PCDHA7: variants seen among roughly 807,000 people sequenced by gnomAD.
PCDHA7 encodes protocadherin alpha-7.
In PCDHA7, 37 loss-of-function variants were observed where a neutral mutation model predicts 57.2. The ratio of observed to expected loss-of-function variants is 0.65; its 90% CI spans 0.50 to 0.85. The LOEUF (loss-of-function observed/expected upper bound fraction) is 0.85, where lower values mean the gene tolerates loss of function less well. Among genes scored for constraint, PCDHA7 ranks in the 40% least tolerant of loss-of-function variants. PCDHA7 has a pLI of 0.00. For synonymous variants in PCDHA7, 553 were observed against 558.8 expected, an observed-to-expected ratio of 0.99 and a Z score of 0.15; for missense variants, 1,188 against 1,241.8, an observed-to-expected ratio of 0.96 and a Z score of 0.65.
At chr5:140,886,155 T>C (rs528104847) in intron 1 of PCDHA7, among the ~76,000 whole-genome samples, 1 of 152,212 alleles carries the variant, frequency 6.6e-6, no homozygotes, top group African/African-American at 2.4e-5. Context: ...CACCTTTTTA[T>C]AGCCACATCT....
intron 3 of PCDHA7, among the ~76,000 whole-genome samples, chr5:141,005,617 G>C (rs1419951778): frequency 6.7e-6 from 1 of 149,280 alleles, no homozygotes; most frequent in Non-Finnish European, 1.5e-5. Context: ...CAGGAGAATG[G>C]CGTGAACCCG....
chr5:140,926,944 G>A, intron 1 of PCDHA7: 1 of 1,588,324 alleles, frequency 6.3e-7, no homozygotes, highest in Non-Finnish European at 8.6e-7. Flanking sequence ...CTGCGGCGCT[G>A]CAGCGGGACA....
chr5:140,986,238 A>G (rs1358537911), intron 3 of PCDHA7, among the ~76,000 whole-genome samples: 1 of 152,152 alleles, frequency 6.6e-6, no homozygotes. Context: ...CCTCTGTGTG[A>G]GCAGACCCGG....
chr5:140,853,975 C>A, intron 1 of PCDHA7: 1 of 594,170 alleles, frequency 1.7e-6, no homozygotes, highest in Non-Finnish European at 2.2e-6. Flanking sequence ...CAGTTTGAGA[C>A]CAATGTAGTG....
intron 1 of PCDHA7, among the ~76,000 whole-genome samples, chr5:140,934,108 T>C (rs574657499): frequency 6.6e-6 from 1 of 152,276 alleles, no homozygotes; most frequent in East Asian, 1.9e-4. Flanking sequence ...TCTATTTTAT[T>C]AATTTTCATA....
rs190398483 is a variant in PCDHA7 at position 140,849,974 on chromosome 5, G to T, written c.2355+13236G>T. The T allele has an allele frequency of 6.3e-6, 10 of 1,597,556 alleles. 1 individual carries two copies. Among genetic ancestry groups the T allele is most frequent in the Admixed American group, 5.1e-5 (3 of 59,294 alleles). On this transcript the variant is annotated intron_variant, in intron 1 of 3. Coordinates refer to ENST00000525929, the MANE Select transcript of PCDHA7 (RefSeq NM_018910.3). ...AGGAGAACGCCCTGGTGTCCTACTC[G>T]CTGGTGGAGCGGCGGTTGGGCGAGC...
chr5:140,967,922 G>T (rs782146005), intron 1 of PCDHA7: 1 of 1,614,198 alleles, frequency 6.2e-7, no homozygotes, highest in South Asian at 1.1e-5. Flanking sequence ...CATTGTGGCC[G>T]TTCTCAGTGT....
At chr5:140,961,936 T>C (rs1163967895) in intron 1 of PCDHA7, among the ~76,000 whole-genome samples, 1 of 151,364 alleles carries the variant, frequency 6.6e-6, no homozygotes, top group Non-Finnish European at 1.5e-5. Flanking sequence ...CAGGCTGGAG[T>C]GCAGTGGCAT....
At chr5:140,967,435 C>T (rs949116832) in intron 1 of PCDHA7, 1 of 1,613,532 alleles carries the variant, frequency 6.2e-7, no homozygotes, top group Non-Finnish European at 8.5e-7. Flanking sequence ...CAGCCTTGCA[C>T]CACCTGGTTC....
intron 1 of PCDHA7, chr5:140,882,074 G>C (rs1276421996): frequency 1.1e-6 from 1 of 886,834 alleles, no homozygotes. Context: ...CATGCGCATG[G>C]TGTCGCTCTT....
At chr5:140,875,395 GT>G in intron 1 of PCDHA7, 1 of 1,478,260 alleles carries the variant, frequency 6.8e-7, no homozygotes, top group African/African-American at 1.4e-5. Context: ...ACAGAAAAGG[GT>G]GACTGCTCAT....
At chr5:140,955,241 A>T (rs1554221829) in intron 1 of PCDHA7, among the ~76,000 whole-genome samples, 1 of 152,114 alleles carries the variant, frequency 6.6e-6, no homozygotes, top group East Asian at 1.9e-4. Context: ...TTTGCTTAGG[A>T]TCGGCTTGGC....
intron 1 of PCDHA7, among the ~76,000 whole-genome samples, chr5:140,891,033 G>C (rs2062910794): frequency 6.6e-6 from 1 of 151,596 alleles, no homozygotes; most frequent in South Asian, 2.1e-4. Context: ...TATAATCTTA[G>C]GTGTGACCCC....
chr5:141,004,627 T>C lies in PCDHA7; in HGVS notation c.2504-5000T>C, dbSNP rs538896289. On this transcript the variant is annotated intron_variant, in intron 3 of 3. Transcript: ENST00000525929. ...GCCTCATGCAGAGTCCTGGTTATGG[T>C]TGAAGAAAAATTTCCATTTTGGGCT... 3.9e-5 allele frequency among the ~76,000 whole-genome samples: 6 copies of C among 152,330 alleles called. No individual in the cohort carries two copies. The East Asian group carries it at 1.2e-3, about 29-fold the overall frequency.
At chr5:140,960,483 T>G (rs1554224788) in intron 1 of PCDHA7, among the ~76,000 whole-genome samples, 1 of 151,978 alleles carries the variant, frequency 6.6e-6, no homozygotes, top group Non-Finnish European at 1.5e-5. Flanking sequence ...TACACAGAGG[T>G]GTAGGTTTGT....
rs1554144490 is a variant in PCDHA7, at chr5:140,850,541, G to C, written c.2355+13803G>C. ...AGGCGCCAAAGTCATCGTCGCGGGC[G>C]TCAGTGGGTGCCACGGGCCCCGAGG... is the stretch of plus-strand genomic sequence containing the variant. On this transcript the variant is annotated intron_variant, in intron 1 of 3. Transcript: ENST00000525929. The C allele has an allele frequency of 2.5e-6, 4 of 1,598,386 alleles. 1 individual carries two copies. In the South Asian group the frequency reaches 4.4e-5, roughly 18 times the overall value.
intron 1 of PCDHA7, among the ~76,000 whole-genome samples, chr5:140,920,730 G>A (rs902169780): frequency 6.6e-6 from 1 of 152,058 alleles, no homozygotes; most frequent in Non-Finnish European, 1.5e-5. Context: ...TGCAGTCCCA[G>A]CTACTCAGGA....
chr5:140,850,659 C>G (rs782752701), intron 1 of PCDHA7: 1 of 1,598,246 alleles, frequency 6.3e-7, no homozygotes, highest in African/African-American at 1.3e-5. Context: ...CACTGTGCTG[C>G]GGTGCTCGGC....
At chr5:140,844,242 G>A (rs2150369958) in intron 1 of PCDHA7, among the ~76,000 whole-genome samples, 3,371 of 149,312 alleles carry the variant, frequency 0.023, 302 homozygotes, top group African/African-American at 0.077. Flanking sequence ...CACTATTGCC[G>A]TTTTAAGCAG....
Sources: allele counts gnomAD v4.1 joint callset (sites outside exome capture counted in the v4.1 genomes callset), GRCh38; gene constraint gnomAD v4.1.1; transcripts MANE v1.5; gene names NCBI Gene and HGNC (gene_info 2026-07-23, HGNC 2026-07-21).